The following CNTNAP4 variants were observed in gnomAD, a reference collection of about 807,000 sequenced individuals.
The protein encoded by CNTNAP4 is contactin-associated protein-like 4.
In CNTNAP4, 98 loss-of-function variants were observed where a neutral mutation model predicts 148.4. The observed-to-expected ratio is 0.66, with a 90% CI of 0.56 to 0.78. CNTNAP4 has a LOEUF of 0.78. Ranked by LOEUF, CNTNAP4 falls within the 30% of genes least tolerant of loss-of-function variation. CNTNAP4 has a pLI of 0.00. For synonymous variants in CNTNAP4, 730 were observed against 565.1 expected (o/e 1.29, Z -4.14); for missense variants, 1,935 against 1,565.6 (o/e 1.24, Z -3.98).
intron 17 of CNTNAP4, among the ~76,000 whole-genome samples, chr16:76,522,772 TTTTC>T (rs879814869): frequency 0.017 from 1,814 of 107,428 alleles, 124 homozygotes; most frequent in Non-Finnish European, 0.021. Flanking sequence ...TTTTCTTTTC[TTTTC>T]TTTCTTGACA....
chr16:76,533,677 T>TA (rs35605025), intron 17 of CNTNAP4, among the ~76,000 whole-genome samples: 65,998 of 150,260 alleles, frequency 0.44, 14,526 homozygotes, highest in South Asian at 0.5. Context: ...TTAAAAATCT[T>TA]AAAAAAAAAA....
At chr16:76,407,951 A>T (rs1267562183) in intron 3 of CNTNAP4, among the ~76,000 whole-genome samples, 1 of 152,092 alleles carries the variant, frequency 6.6e-6, no homozygotes, top group East Asian at 1.9e-4. Flanking sequence ...CAGTCACCCC[A>T]ACCTTCAGCA....
chr16:76,309,890 C>T (rs1266609122), intron 1 of CNTNAP4: 2 of 701,850 alleles, frequency 2.8e-6, no homozygotes, highest in South Asian at 3.0e-5. Flanking sequence ...CTGAGGCCTT[C>T]CCAGCTATGT....
At chr16:76,483,450 T>G (rs976953284) in intron 12 of CNTNAP4, among the ~76,000 whole-genome samples, 1 of 152,176 alleles carries the variant, frequency 6.6e-6, no homozygotes, top group African/African-American at 2.4e-5. Context: ...TTTATGTGTG[T>G]TTCAGGTTAA....
chr16:76,483,229 GAAAC>G (rs2081904046), intron 12 of CNTNAP4, among the ~76,000 whole-genome samples: 1 of 69,424 alleles, frequency 1.4e-5, no homozygotes, highest in African/African-American at 5.1e-5. Context: ...GAAGTTTTAA[GAAAC>G]ACACACACAC....
At chr16:76,419,705 C>T (rs1051312423) in intron 3 of CNTNAP4, among the ~76,000 whole-genome samples, 1 of 151,996 alleles carries the variant, frequency 6.6e-6, no homozygotes, top group South Asian at 2.1e-4. Flanking sequence ...TAACCAATAC[C>T]ATAGACTGGG....
chr16:76,373,300 T>C (rs1045011817), intron 3 of CNTNAP4, among the ~76,000 whole-genome samples: 1 of 151,802 alleles, frequency 6.6e-6, no homozygotes, highest in Non-Finnish European at 1.5e-5. Flanking sequence ...ATGTGAAATA[T>C]ATTCCACATA....
intron 2 of CNTNAP4, among the ~76,000 whole-genome samples, chr16:76,338,347 C>T (rs529057295): frequency 6.6e-6 from 1 of 152,306 alleles, no homozygotes; most frequent in Non-Finnish European, 1.5e-5. Context: ...CCTTTCTTGC[C>T]TTGATGACAA....
intron 20 of CNTNAP4, among the ~76,000 whole-genome samples, chr16:76,540,391 T>TC (rs1195835990): frequency 6.6e-6 from 1 of 152,032 alleles, no homozygotes; most frequent in Non-Finnish European, 1.5e-5. Flanking sequence ...TTTGTTGGCT[T>TC]CATCAATTTT....
Position 76,522,703 on chromosome 16 carries a change from T to TTCC in CNTNAP4, c.2755+447_2755+448insCCT, listed in dbSNP as rs1234496279. Among the ~76,000 whole-genome samples the TTCC allele has an allele frequency of 3.4e-4, 6 of 17,534 alleles. 1 individual carries two copies. Among genetic ancestry groups the TTCC allele is most frequent in the Admixed American group, 2.4e-3 (3 of 1,266 alleles). 11.5% of individuals were successfully genotyped at this position (17,534 alleles called of 152,430 possible). ...CTTTCTCTCCTTTCTTTTCTTTTCT[T>TTCC]TTCTTTTCTTTTCTTTTCTTTTCTT... On this transcript the variant is annotated intron_variant, in intron 17 of 23. Transcript: ENST00000611870.
At position 76,448,874 on chromosome 16, in the gene CNTNAP4, G is replaced by C. The variant is rs747767689; in HGVS notation, c.850G>C (p.Val284Leu). The change falls in exon 6 of 24, where the codon GTC becomes CTC. Residue 284 changes from valine (V) to leucine (L), a missense_variant. Val to Leu is a conservative substitution (Grantham distance 32). Coordinates refer to ENST00000611870, the MANE Select transcript of CNTNAP4 (RefSeq NM_033401.5). ...GCTCATCCAGCGTTTGGGCAAACAA[G>C]TCAACTTCACAGTGGACGAACACAG... is the stretch of plus-strand genomic sequence containing the variant. ...SVLIQRLGKQ[V>L]NFTVDEHRHH... 1.5e-5 allele frequency: 24 copies of C among 1,613,644 alleles called. No individual in the cohort carries two copies. The Admixed American group carries it at 2.0e-4, about 13-fold the overall frequency.
chr16:76,436,233 G>A (rs2079820847), intron 4 of CNTNAP4, among the ~76,000 whole-genome samples: 1 of 152,184 alleles, frequency 6.6e-6, no homozygotes, highest in African/African-American at 2.4e-5. Flanking sequence ...GGGTCAGGGA[G>A]GGGATGATGC....
intron 3 of CNTNAP4, among the ~76,000 whole-genome samples, chr16:76,362,153 A>G (rs1212475119): frequency 6.6e-6 from 1 of 152,166 alleles, no homozygotes; most frequent in African/African-American, 2.4e-5. Flanking sequence ...CTCATTTAGA[A>G]TAGTATCAAA....
At chr16:76,384,750 T>G (rs2016344734) in intron 3 of CNTNAP4, among the ~76,000 whole-genome samples, 1 of 152,210 alleles carries the variant, frequency 6.6e-6, no homozygotes, top group South Asian at 2.1e-4. Context: ...CTTTAAGAAT[T>G]AATTTTACAA....
At chr16:76,487,389 T>G (rs979107928) in intron 12 of CNTNAP4, among the ~76,000 whole-genome samples, 1 of 152,212 alleles carries the variant, frequency 6.6e-6, no homozygotes, top group Non-Finnish European at 1.5e-5. Context: ...GCTTACAGAC[T>G]GGTAGGAAAG....
intron 1 of CNTNAP4, among the ~76,000 whole-genome samples, chr16:76,284,211 A>G (rs1347878252): frequency 6.6e-6 from 1 of 151,960 alleles, no homozygotes; most frequent in Non-Finnish European, 1.5e-5. Flanking sequence ...TGTTTCCTAT[A>G]TTGTTGCATG....
chr16:76,472,919 GT>G (rs1468306090), intron 10 of CNTNAP4, among the ~76,000 whole-genome samples: 1 of 151,960 alleles, frequency 6.6e-6, no homozygotes, highest in East Asian at 1.9e-4. Flanking sequence ...AGTTTACCTG[GT>G]AACAAACCTG....
At chr16:76,342,871 C>T (rs543673483) in intron 2 of CNTNAP4, among the ~76,000 whole-genome samples, 44 of 152,258 alleles carry the variant, frequency 2.9e-4, no homozygotes, top group East Asian at 5.8e-4. Context: ...ACAACTGCAA[C>T]GTAATTCATG....
chr16:76,374,748 T>TTATTATTATTAG lies in CNTNAP4; in HGVS notation c.390+19248_390+19249insGTATTATTATTA, dbSNP rs1442573068. Among the ~76,000 whole-genome samples the TTATTATTATTAG allele has an allele frequency of 6.1e-3, 706 of 116,444 alleles. 6 individuals are homozygous for TTATTATTATTAG. The highest frequency in any genetic ancestry group is 0.01 in the Non-Finnish European group (534 of 52,508). 76.4% of individuals were successfully genotyped at this position (116,444 alleles called of 152,430 possible). A position where few individuals can be genotyped will look rare whatever the true frequency, so the allele number is the denominator to read the frequency against. On this transcript the variant is annotated intron_variant, in intron 3 of 23. Transcript: ENST00000611870. ...TATATACTTGACTATGACACTATTA[T>TTATTATTATTAG]TATTATTATTATTATTATTATTATT...
Sources: gnomAD v4.1 joint callset for allele counts (sites outside exome capture counted in the v4.1 genomes callset) on GRCh38, gnomAD v4.1.1 for gene constraint, MANE v1.5 for transcripts, NCBI Gene and HGNC (gene_info 2026-07-23, HGNC 2026-07-21) for gene names.